UVRAG: variants seen among roughly 807,000 people sequenced by gnomAD.
UVRAG encodes the protein UV radiation resistance-associated gene protein.
In UVRAG, 19 loss-of-function variants were observed where a neutral mutation model predicts 78.0. That is an observed-to-expected ratio of 0.24 (90% CI 0.17 to 0.36). UVRAG has a LOEUF of 0.36. Ranked by LOEUF, UVRAG falls within the 10% of genes least tolerant of loss-of-function variation. The pLI, the probability that UVRAG is intolerant of heterozygous loss-of-function variation, is 1.00. For missense variants in UVRAG, 740 were observed against 853.8 expected, an observed-to-expected ratio of 0.87 and a Z score of 1.66; for synonymous variants, 323 against 324.6, an observed-to-expected ratio of 1.00 and a Z score of 0.05.
chr11:76,010,765 G>C (rs949026800), intron 11 of UVRAG, among the ~76,000 whole-genome samples: 1 of 152,128 alleles, frequency 6.6e-6, no homozygotes, highest in African/African-American at 2.4e-5. Context: ...AAAGAGAGAG[G>C]CAGGAAGGAC....
chr11:75,896,068 T>C (rs1947338786), intron 5 of UVRAG, among the ~76,000 whole-genome samples: 1 of 152,234 alleles, frequency 6.6e-6, no homozygotes, highest in Non-Finnish European at 1.5e-5. Context: ...TGGTGTCATT[T>C]GTTTGCATCT....
intron 6 of UVRAG, among the ~76,000 whole-genome samples, chr11:75,933,724 A>C (rs917365785): frequency 2.6e-5 from 4 of 152,260 alleles, no homozygotes; most frequent in African/African-American, 4.8e-5. Context: ...GAAGACATAT[A>C]CATGGCAGAC....
chr11:75,936,138 T>C (rs893695540), intron 6 of UVRAG, among the ~76,000 whole-genome samples: 8 of 152,212 alleles, frequency 5.3e-5, no homozygotes, highest in African/African-American at 1.9e-4. Flanking sequence ...TTGTATTGTT[T>C]TTGCATCCTG....
intron 5 of UVRAG, among the ~76,000 whole-genome samples, chr11:75,890,303 A>G (rs1947188189): frequency 6.6e-6 from 1 of 152,234 alleles, no homozygotes; most frequent in South Asian, 2.1e-4. Flanking sequence ...GGAGACCAGT[A>G]AGGAGGATCT....
At chr11:75,989,269 G>T (rs574762238) in intron 8 of UVRAG, among the ~76,000 whole-genome samples, 1 of 151,942 alleles carries the variant, frequency 6.6e-6, no homozygotes, top group Non-Finnish European at 1.5e-5. Context: ...TGTCCAGCCC[G>T]GTCTTGAACT....
chr11:76,102,478 G>A lies in UVRAG; in HGVS notation c.1306-13446G>A, dbSNP rs1171205551. Among the ~76,000 whole-genome samples the A allele has an allele frequency of 2.6e-5, 4 of 152,252 alleles. No homozygotes were observed. In the South Asian group the frequency reaches 6.2e-4, roughly 24 times the overall value. On this transcript the variant is annotated intron_variant, in intron 13 of 14. Transcript: ENST00000356136. ...CTTAAGGAGCTTTGGGGCCAAGACT[G>A]GGGGTTTTGGAGATATAAAATCATG...
At chr11:75,840,596 G>A (rs1945888167) in intron 1 of UVRAG, among the ~76,000 whole-genome samples, 1 of 152,186 alleles carries the variant, frequency 6.6e-6, no homozygotes, top group Non-Finnish European at 1.5e-5. Context: ...AATTCAGACT[G>A]ATTTGAACTT....
chr11:76,008,183 A>G (rs959691208), intron 10 of UVRAG, among the ~76,000 whole-genome samples: 1 of 152,050 alleles, frequency 6.6e-6, no homozygotes, highest in East Asian at 1.9e-4. Flanking sequence ...GTGCTCGCAT[A>G]TCAGGTGTGA....
chr11:75,985,103 C>T (rs777608531), intron 8 of UVRAG, among the ~76,000 whole-genome samples: 2 of 151,748 alleles, frequency 1.3e-5, no homozygotes, highest in African/African-American at 2.4e-5. Context: ...CAGTTTATCT[C>T]CCCTCTGTCC....
At chr11:75,889,319 A>G (rs974747873) in intron 5 of UVRAG, among the ~76,000 whole-genome samples, 2 of 152,262 alleles carry the variant, frequency 1.3e-5, no homozygotes, top group Non-Finnish European at 2.9e-5. Flanking sequence ...TCTAAAAGTT[A>G]TTAGAGAAAG....
intron 13 of UVRAG, among the ~76,000 whole-genome samples, chr11:76,113,414 C>T (rs1264341144): frequency 1.3e-5 from 2 of 151,720 alleles, no homozygotes; most frequent in Non-Finnish European, 2.9e-5. Context: ...ATGTCTCTAA[C>T]TGGAGGGGAA....
At chr11:76,008,469 T>C (rs1949992502) in intron 10 of UVRAG, among the ~76,000 whole-genome samples, 1 of 152,226 alleles carries the variant, frequency 6.6e-6, no homozygotes. Flanking sequence ...AGACTAATTT[T>C]CAGAGAAGAA....
intron 14 of UVRAG, among the ~76,000 whole-genome samples, chr11:76,121,952 G>A (rs1397351819): frequency 1.3e-5 from 2 of 152,178 alleles, no homozygotes; most frequent in Admixed American, 1.3e-4. Flanking sequence ...GCTTGGGTCT[G>A]GGGACCACGT....
Position 76,060,649 on chromosome 11 carries a change from G to A in UVRAG, c.1227-5061G>A, listed in dbSNP as rs192361692. On this transcript the variant is annotated intron_variant, in intron 12 of 14. Transcript: ENST00000356136. Reference sequence around the variant, plus strand: ...GGGTGGGCGTGGGTTTGGCGGCCCCGCACTCGGAGTGGCCGGCCGGCCCTG... The same window carrying A: ...GGGTGGGCGTGGGTTTGGCGGCCCCACACTCGGAGTGGCCGGCCGGCCCTG... 2.7e-3 allele frequency among the ~76,000 whole-genome samples: 414 copies of A among 152,322 alleles called. 2 individuals are homozygous for A. The highest frequency in any genetic ancestry group is 4.0e-3 in the Non-Finnish European group (275 of 68,008).
chr11:76,073,388 CTGAA>C (rs908257977), intron 13 of UVRAG, among the ~76,000 whole-genome samples: 1 of 152,072 alleles, frequency 6.6e-6, no homozygotes, highest in African/African-American at 2.4e-5. Context: ...TTTCTCAAAA[CTGAA>C]TGAAGTGAGC....
chr11:75,879,922 G>A lies in UVRAG; in HGVS notation c.314G>A (p.Arg105His), dbSNP rs200253982. Residue 105 changes from arginine to histidine, a missense_variant, in exon 4 of 15, where the codon CGT becomes CAT. Arg to His is a conservative substitution (Grantham distance 29, BLOSUM62 0). Coordinates refer to ENST00000356136, the MANE Select transcript of UVRAG (RefSeq NM_003369.4). ...RSLDFGIMPD[R>H]LDTSVSCFVV... is the part of the protein sequence containing the mutation. ...CTCGATTTTGGAATTATGCCAGACCGTCTTGATACATCTGTGTCTTGTTTC... is the reference window on the plus strand; with the variant it reads ...CTCGATTTTGGAATTATGCCAGACCATCTTGATACATCTGTGTCTTGTTTC... 74 of 1,614,176 alleles carry A rather than the reference G, an allele frequency of 4.6e-5. No homozygotes were observed. The highest frequency in any genetic ancestry group is 4.5e-4 in the African/African-American group (34 of 75,050).
chr11:76,002,737 T>TA (rs1381411957), intron 8 of UVRAG, among the ~76,000 whole-genome samples: 1 of 152,174 alleles, frequency 6.6e-6, no homozygotes, highest in African/African-American at 2.4e-5. Flanking sequence ...GTTCCCAACT[T>TA]ACTGGTCTTC....
chr11:76,033,302 G>GCT (rs1950470996), intron 12 of UVRAG, among the ~76,000 whole-genome samples: 2 of 152,106 alleles, frequency 1.3e-5, no homozygotes, highest in African/African-American at 4.8e-5. Flanking sequence ...AGAATAGAGA[G>GCT]AATTTATATA....
chr11:76,038,305 A>AT (rs1294686434), intron 12 of UVRAG, among the ~76,000 whole-genome samples: 1 of 152,172 alleles, frequency 6.6e-6, no homozygotes, highest in Non-Finnish European at 1.5e-5. Context: ...ATGGAAAAAA[A>AT]TTCCATTCAG....
Sources: allele counts gnomAD v4.1 joint callset (sites outside exome capture counted in the v4.1 genomes callset), GRCh38; gene constraint gnomAD v4.1.1; transcripts MANE v1.5; gene names NCBI Gene and HGNC (gene_info 2026-07-23, HGNC 2026-07-21).